Variants in ARB2A observed in about 807,000 individuals in gnomAD.
The protein encoded by ARB2A is ARB2 cotranscriptional regulator A.
At chr5:93,952,185 T>A in the ARB2A span, among the ~76,000 whole-genome samples, 1 of 152,132 alleles carries the variant, frequency 6.6e-6, no homozygotes, top group Admixed American at 6.6e-5. Flanking sequence ...GCAATCCCTA[T>A]CAAAATACCA....
the ARB2A span, among the ~76,000 whole-genome samples, chr5:94,029,905 T>G: frequency 6.6e-6 from 1 of 152,178 alleles, no homozygotes; most frequent in Non-Finnish European, 1.5e-5. Flanking sequence ...GGAAAGAGGT[T>G]TAATTGACTC....
the ARB2A span, among the ~76,000 whole-genome samples, chr5:93,703,224 T>C: frequency 6.6e-6 from 1 of 152,324 alleles, no homozygotes; most frequent in South Asian, 2.1e-4. Context: ...CAGAGGCTGC[T>C]ACCATGGCAA....
chr5:93,771,132 G>C, the ARB2A span, among the ~76,000 whole-genome samples: 1 of 152,086 alleles, frequency 6.6e-6, no homozygotes, highest in African/African-American at 2.4e-5. Flanking sequence ...ACAGAACAGA[G>C]CCCTCAGAAA....
the ARB2A span, among the ~76,000 whole-genome samples, chr5:93,866,904 A>G: frequency 6.6e-6 from 1 of 152,210 alleles, no homozygotes; most frequent in African/African-American, 2.4e-5. Context: ...TCTATTAAAA[A>G]TGTTCTTTCT....
chr5:93,774,495 T>C, the ARB2A span, among the ~76,000 whole-genome samples: 1 of 152,208 alleles, frequency 6.6e-6, no homozygotes, highest in Non-Finnish European at 1.5e-5. Flanking sequence ...GGTGAAAAAT[T>C]TGAGTCATCC....
At chr5:93,777,309 A>C in the ARB2A span, among the ~76,000 whole-genome samples, 1 of 152,082 alleles carries the variant, frequency 6.6e-6, no homozygotes, top group Non-Finnish European at 1.5e-5. Flanking sequence ...AAAGTATAAT[A>C]ATAATAAAAA....
the ARB2A span, among the ~76,000 whole-genome samples, chr5:93,833,852 A>T: frequency 6.6e-6 from 1 of 152,182 alleles, no homozygotes; most frequent in African/African-American, 2.4e-5. Context: ...CTTTTATTTG[A>T]GATTCAGAGA....
the ARB2A span, among the ~76,000 whole-genome samples, chr5:93,935,192 C>T: frequency 6.6e-6 from 1 of 152,252 alleles, no homozygotes; most frequent in South Asian, 2.1e-4. Flanking sequence ...AAAACGCAAT[C>T]ATGTAACCAA....
chr5:93,767,696 T>TA, the ARB2A span, among the ~76,000 whole-genome samples: 2 of 151,686 alleles, frequency 1.3e-5, no homozygotes, highest in African/African-American at 2.4e-5. Context: ...TACTCAGCCA[T>TA]AAAAAGGAAT....
chr5:93,876,403 G>A, the ARB2A span, among the ~76,000 whole-genome samples: 1 of 152,032 alleles, frequency 6.6e-6, no homozygotes, highest in East Asian at 1.9e-4. Flanking sequence ...CATAATATAT[G>A]CTAGCAAGTA....
At chr5:94,101,553 TGACA>T in the ARB2A span, among the ~76,000 whole-genome samples, 144 of 152,216 alleles carry the variant, frequency 9.5e-4, no homozygotes, top group Middle Eastern at 3.4e-3. Flanking sequence ...TGCCCATCAA[TGACA>T]GACTGGATAA....
the ARB2A span, among the ~76,000 whole-genome samples, chr5:93,696,134 T>C: frequency 1.3e-5 from 2 of 152,068 alleles, no homozygotes; most frequent in Admixed American, 6.6e-5. Context: ...TGTATACCTA[T>C]GTAACAAACC....
the ARB2A span, chr5:93,959,003 T>C: frequency 1.4e-6 from 2 of 1,408,682 alleles, no homozygotes; most frequent in Non-Finnish European, 1.9e-6. Flanking sequence ...TAAATAAATG[T>C]CTTCTGATCA....
chr5:94,049,853 G>C, the ARB2A span, among the ~76,000 whole-genome samples: 3,663 of 152,088 alleles, frequency 0.024, 72 homozygotes, highest in Non-Finnish European at 0.039. Context: ...AATCAAATTA[G>C]AATTTCGCAT....
the ARB2A span, among the ~76,000 whole-genome samples, chr5:93,942,859 G>A: frequency 6.6e-6 from 1 of 152,028 alleles, no homozygotes; most frequent in Non-Finnish European, 1.5e-5. Flanking sequence ...GTGTACATGT[G>A]TAAGTGTACT....
chr5:93,806,340 C>T, the ARB2A span, among the ~76,000 whole-genome samples: 1 of 151,896 alleles, frequency 6.6e-6, no homozygotes, highest in East Asian at 1.9e-4. Context: ...AAAACAGTTA[C>T]AGCTTTTATA....
chr5:93,776,121 A>G, the ARB2A span: 2 of 1,506,538 alleles, frequency 1.3e-6, no homozygotes, highest in Non-Finnish European at 9.0e-7. Flanking sequence ...TCACCCTGAA[A>G]AACAACAGCA....
At chr5:93,824,343 G>A in the ARB2A span, 2 of 1,024,878 alleles carry the variant, frequency 2.0e-6, no homozygotes, top group Non-Finnish European at 2.8e-6. Context: ...TAAATTATAT[G>A]CTTGCATACA....
At chr5:93,621,093 A>G in the ARB2A span, 6 of 1,611,940 alleles carry the variant, frequency 3.7e-6, no homozygotes, top group South Asian at 6.6e-5. Context: ...AATAGACGGA[A>G]AGCTCTTCCA....
Sources: allele counts gnomAD v4.1 joint callset (sites outside exome capture counted in the v4.1 genomes callset), GRCh38; gene constraint gnomAD v4.1.1; transcripts MANE v1.5; gene names NCBI Gene and HGNC (gene_info 2026-07-23, HGNC 2026-07-21).